Variants in COX10 observed in about 807,000 individuals in gnomAD.
COX10 encodes cytochrome c oxidase assembly factor heme A:farnesyltransferase COX10.
Under a neutral mutation model 37.3 loss-of-function variants are expected in COX10, and 27 were observed. The ratio of observed to expected loss-of-function variants is 0.72; its 90% CI spans 0.53 to 1.00. COX10 has a LOEUF of 1.00. Among genes scored for constraint, COX10 ranks in the 50% least tolerant of loss-of-function variants. COX10 has a pLI of 0.00. For synonymous variants in COX10, 222 were observed against 229.1 expected (o/e 0.97, Z 0.28); for missense variants, 475 against 563.2 (o/e 0.84, Z 1.59).
chr17:14,094,659 C>G (rs1181700377), intron 3 of COX10, among the ~76,000 whole-genome samples: 1 of 152,216 alleles, frequency 6.6e-6, no homozygotes, highest in Admixed American at 6.5e-5. Flanking sequence ...AGTACAGAAG[C>G]ATACAGAGTG....
chr17:14,101,382 C>T (rs1013920703), intron 3 of COX10, among the ~76,000 whole-genome samples: 2 of 152,160 alleles, frequency 1.3e-5, no homozygotes, highest in Admixed American at 1.3e-4. Flanking sequence ...CAGATTTGCC[C>T]ACCAATGGTG....
intron 4 of COX10, among the ~76,000 whole-genome samples, chr17:14,127,156 G>A (rs1487881119): frequency 6.6e-6 from 1 of 152,052 alleles, no homozygotes; most frequent in African/African-American, 2.4e-5. Context: ...TTTAAGGAAA[G>A]GCATAAAGAA....
chr17:14,132,208 T>A (rs1208149121), intron 4 of COX10, among the ~76,000 whole-genome samples: 2 of 151,974 alleles, frequency 1.3e-5, no homozygotes, highest in Non-Finnish European at 2.9e-5. Context: ...TACACCATTT[T>A]ATTATATCAG....
At chr17:14,080,078 G>GT (rs1915253558) in intron 3 of COX10, among the ~76,000 whole-genome samples, 1 of 151,960 alleles carries the variant, frequency 6.6e-6, no homozygotes, top group South Asian at 2.1e-4. Context: ...TTGTACTCAC[G>GT]TGAGTCTGCC....
At chr17:14,080,333 C>T (rs988565109) in intron 3 of COX10, among the ~76,000 whole-genome samples, 1 of 150,168 alleles carries the variant, frequency 6.7e-6, no homozygotes, top group African/African-American at 2.4e-5. Context: ...ACATCATTCT[C>T]CTTCCTTGTA....
intron 6 of COX10, among the ~76,000 whole-genome samples, chr17:14,195,614 ATATG>A (rs1230814366): frequency 6.6e-6 from 1 of 152,212 alleles, no homozygotes; most frequent in African/African-American, 2.4e-5. Flanking sequence ...CCTCACATGA[ATATG>A]TACATCAAAT....
intron 4 of COX10, among the ~76,000 whole-genome samples, chr17:14,134,601 A>G (rs1916537192): frequency 6.6e-6 from 1 of 151,828 alleles, no homozygotes; most frequent in Non-Finnish European, 1.5e-5. Flanking sequence ...ATAAAAGGAG[A>G]TCAAACTTGT....
At chr17:14,185,513 C>T (rs958061681) in intron 5 of COX10, among the ~76,000 whole-genome samples, 4 of 152,002 alleles carry the variant, frequency 2.6e-5, no homozygotes, top group Admixed American at 6.6e-5. Context: ...AAAGATAGAT[C>T]TCTTGATTAA....
At chr17:14,131,402 A>C (rs1916461852) in intron 4 of COX10, among the ~76,000 whole-genome samples, 1 of 152,118 alleles carries the variant, frequency 6.6e-6, no homozygotes, top group Non-Finnish European at 1.5e-5. Flanking sequence ...ATATATGAAA[A>C]TATAGATCAA....
intron 4 of COX10, among the ~76,000 whole-genome samples, chr17:14,106,948 G>T (rs182504229): frequency 4.1e-4 from 63 of 152,270 alleles, no homozygotes; most frequent in African/African-American, 1.5e-3. Context: ...TTTTTACAGT[G>T]AGGTCTTTTT....
chr17:14,199,018 G>T (rs1037569820), intron 6 of COX10, among the ~76,000 whole-genome samples: 5 of 151,966 alleles, frequency 3.3e-5, no homozygotes, highest in African/African-American at 1.2e-4. Context: ...ACATTTTCAT[G>T]GGAATATTAG....
intron 4 of COX10, among the ~76,000 whole-genome samples, chr17:14,128,886 G>A (rs764612642): frequency 6.6e-5 from 10 of 152,226 alleles, no homozygotes; most frequent in East Asian, 1.9e-4. Context: ...GCTCTGTCGC[G>A]CCCAGGCGAG....
intron 4 of COX10, 124 bp downstream of exon 4, chr17:14,102,366 T>A (rs1420662646): frequency 7.8e-6 from 11 of 1,411,200 alleles, no homozygotes; most frequent in Non-Finnish European, 9.8e-6. Flanking sequence ...ACACTATATA[T>A]CCTATAGGAG....
chr17:14,205,596 C>A (rs72816696), intron 6 of COX10, among the ~76,000 whole-genome samples: 20,353 of 151,970 alleles, frequency 0.13, 2,490 homozygotes, highest in African/African-American at 0.32. Flanking sequence ...ATTTTTTGCG[C>A]GAGTACTCAG....
intron 3 of COX10, among the ~76,000 whole-genome samples, chr17:14,093,817 T>G (rs1915581722): frequency 6.6e-6 from 1 of 152,210 alleles, no homozygotes; most frequent in Non-Finnish European, 1.5e-5. Context: ...GCTAGGTGAT[T>G]GTGTGTTTGT....
At chr17:14,072,315 G>C (rs533865580) in intron 1 of COX10, among the ~76,000 whole-genome samples, 2 of 152,262 alleles carry the variant, frequency 1.3e-5, no homozygotes, top group South Asian at 2.1e-4. Context: ...CCACCTCCCA[G>C]GTTCAAGCAA....
At chr17:14,095,234 T>C (rs1212177241) in intron 3 of COX10, among the ~76,000 whole-genome samples, 3 of 152,230 alleles carry the variant, frequency 2.0e-5, no homozygotes, top group Non-Finnish European at 4.4e-5. Flanking sequence ...ATTAGACTAG[T>C]TGACCCTAAA....
chr17:14,144,039 G>A (rs2142228019), intron 4 of COX10, among the ~76,000 whole-genome samples: 1 of 152,252 alleles, frequency 6.6e-6, no homozygotes, highest in Non-Finnish European at 1.5e-5. Flanking sequence ...GGATTAATGT[G>A]TTTCCTTTGC....
chr17:14,142,777 A>G (rs1904585983), intron 4 of COX10, among the ~76,000 whole-genome samples: 1 of 152,320 alleles, frequency 6.6e-6, no homozygotes, highest in Admixed American at 6.5e-5. Context: ...CCATAGATGG[A>G]CCACATTGTT....
Sources: gnomAD v4.1 joint callset for allele counts (sites outside exome capture counted in the v4.1 genomes callset) on GRCh38, gnomAD v4.1.1 for gene constraint, MANE v1.5 for transcripts, NCBI Gene and HGNC (gene_info 2026-07-23, HGNC 2026-07-21) for gene names.